Variants in PRKCI observed in about 807,000 individuals in gnomAD.
PRKCI encodes the protein protein kinase C iota type.
PRKCI carries 43 observed loss-of-function variants against 84.0 expected under a neutral mutation model. The observed-to-expected ratio is 0.51, with a 90% confidence interval of 0.40 to 0.66. The LOEUF is 0.66. PRKCI is among the 30% of genes least tolerant of loss of function. The probability of loss-of-function intolerance (pLI) is 0.00; values close to 1 mark genes in which losing one functional copy is unlikely to be tolerated. For missense variants in PRKCI, 459 were observed against 745.6 expected (o/e 0.62, Z 4.48); for synonymous variants, 216 against 234.4 (o/e 0.92, Z 0.72).
Position 170,222,616 on chromosome 3 carries a change from C to G in PRKCI, c.-54C>G, listed in dbSNP as rs1027313557. 15 of 1,467,630 alleles carry G rather than the reference C, an allele frequency of 1.0e-5. No individual in the cohort carries two copies. Among genetic ancestry groups the G allele is most frequent in the Non-Finnish European group, 1.3e-5 (14 of 1,095,148 alleles). 90.9% of individuals were successfully genotyped at this position (1,467,630 alleles called of 1,614,324 possible). On this transcript the variant is annotated 5_prime_UTR_variant, in exon 1 of 18. Coordinates refer to ENST00000295797, the MANE Select transcript of PRKCI (RefSeq NM_002740.6). ...AGGCGGCGGAGTCCCCCACGGCGCC[C>G]GAAGCGCCCCCCCGCACCCCCGGCC...
rs1038333115 is a variant in PRKCI, at chr3:170,265,351, C to T, written c.364+1922C>T. Among the ~76,000 whole-genome samples, 15 of 152,120 alleles carry T rather than the reference C, an allele frequency of 9.9e-5. 1 individual carries two copies. Among genetic ancestry groups the T allele is most frequent in the Non-Finnish European group, 1.6e-4 (11 of 68,028 alleles). ...GCTTCCCCAGGTCAGGAATTGTTAA[C>T]GGAATTTCTTTGGAATATCTAAGCC... On this transcript the variant is annotated intron_variant, in intron 4 of 17. Transcript: ENST00000295797.
intron 1 of PRKCI, among the ~76,000 whole-genome samples, chr3:170,224,112 T>C (rs976976846): frequency 2.4e-5 from 3 of 125,760 alleles, no homozygotes; most frequent in Non-Finnish European, 4.7e-5. Flanking sequence ...TTCCCCTTCC[T>C]GTGTCCATGT....
At chr3:170,227,080 A>G (rs182932781) in intron 1 of PRKCI, among the ~76,000 whole-genome samples, 4 of 152,352 alleles carry the variant, frequency 2.6e-5, no homozygotes, top group African/African-American at 9.6e-5. Flanking sequence ...AGCAAAGGAG[A>G]AAGGAGCAAC....
At chr3:170,245,949 G>GTTTTTTTTGTTTGTTTGTTT (rs769121904) in intron 2 of PRKCI, among the ~76,000 whole-genome samples, 81 of 82,460 alleles carry the variant, frequency 9.8e-4, no homozygotes, top group Admixed American at 1.2e-3. Context: ...TTATGTCTTT[G>GTTTTTTTTGTTTGTTTGTTT]TTTTTTTTTT....
In PRKCI at chr3:170,275,237, T is replaced by C; in HGVS notation, c.655T>C (p.Tyr219His). Residue 219 changes from tyrosine to histidine, a missense_variant, in exon 8 of 18, where the codon TAT (tyrosine) becomes CAT (histidine). Physicochemically the swap from Tyr to His is moderately conservative, Grantham distance 83. Coordinates refer to ENST00000295797, the MANE Select transcript of PRKCI (RefSeq NM_002740.6). ...HSDHAQTVIP[Y>H]NPSSHESLDQ... ...TGGTATTGGGTTTTTAGTAATTCCA[T>C]ATAATCCTTCAAGTCATGAGAGTTT... 1 of 1,579,748 alleles carries C rather than the reference T, an allele frequency of 6.3e-7. No homozygotes were observed. Among genetic ancestry groups the C allele is most frequent in the Non-Finnish European group, 8.6e-7 (1 of 1,166,908 alleles).
chr3:170,234,152 C>T (rs916068957), intron 1 of PRKCI, among the ~76,000 whole-genome samples: 3 of 151,608 alleles, frequency 2.0e-5, no homozygotes, highest in Non-Finnish European at 4.4e-5. Flanking sequence ...CTGCCCCAGC[C>T]TCCTGAGTAG....
intron 13 of PRKCI, among the ~76,000 whole-genome samples, chr3:170,292,768 G>T (rs1439395253): frequency 6.7e-6 from 1 of 149,858 alleles, no homozygotes; most frequent in African/African-American, 2.5e-5. Context: ...ATAGCCGGGC[G>T]CGGTGGCTCA....
intron 16 of PRKCI, 32 bp downstream of exon 16, chr3:170,297,425 T>A (rs1462563502): frequency 6.5e-7 from 1 of 1,542,402 alleles, no homozygotes; most frequent in Admixed American, 1.8e-5. Flanking sequence ...AACTATTAGG[T>A]TTCATTATTA....
Position 170,263,439 on chromosome 3 carries a change from T to G in PRKCI, c.364+10T>G, listed in dbSNP as rs1733783207. The G allele has an allele frequency of 8.9e-6, 14 of 1,571,200 alleles. No individual in the cohort carries two copies. Among genetic ancestry groups the G allele is most frequent in the Non-Finnish European group, 1.1e-5 (12 of 1,141,414 alleles). ...TGTCCAGGAGAAGATAGTGAGTGTT[T>G]ATATACTTCATACCTTTTACAAGAG... On this transcript the variant is annotated intron_variant, in intron 4 of 17. Transcript: ENST00000295797.
chr3:170,269,851 T>C (rs192696856), intron 5 of PRKCI, among the ~76,000 whole-genome samples: 98 of 151,510 alleles, frequency 6.5e-4, no homozygotes, highest in Non-Finnish European at 1.2e-3. Flanking sequence ...CCAGCTACTC[T>C]GGAGGCTGAG....
chr3:170,233,371 T>C (rs148501921), intron 1 of PRKCI, among the ~76,000 whole-genome samples: 49 of 152,178 alleles, frequency 3.2e-4, no homozygotes, highest in Admixed American at 7.2e-4. Context: ...TAAAACCATA[T>C]CTAAATTTGC....
chr3:170,273,373 T>C (rs45498193), intron 7 of PRKCI, 33 bp downstream of exon 7: 51,151 of 1,598,482 alleles, frequency 0.032, 2,707 homozygotes, highest in African/African-American at 0.24. Context: ...CCATTGTTCA[T>C]TCACAGAGTA....
chr3:170,246,218 T>C (rs895906324), intron 2 of PRKCI, among the ~76,000 whole-genome samples: 1 of 152,094 alleles, frequency 6.6e-6, no homozygotes, highest in African/African-American at 2.4e-5. Context: ...AGTGGCATGA[T>C]CTTAGCCCAC....
chr3:170,267,778 T>C (rs2108852357), intron 4 of PRKCI, 137 bp from the exon 5 acceptor site: 1 of 560,564 alleles, frequency 1.8e-6, no homozygotes, highest in South Asian at 2.9e-5. Flanking sequence ...ATCTATTTTA[T>C]TTTTTGACGT....
chr3:170,296,992 G>T (rs981171793), intron 15 of PRKCI, among the ~76,000 whole-genome samples: 5 of 152,140 alleles, frequency 3.3e-5, no homozygotes, highest in Admixed American at 1.3e-4. Flanking sequence ...TCTCACACTA[G>T]GTCATGCAAA....
At chr3:170,246,454 A>G (rs917329982) in intron 2 of PRKCI, among the ~76,000 whole-genome samples, 1 of 151,646 alleles carries the variant, frequency 6.6e-6, no homozygotes, top group African/African-American at 2.4e-5. Flanking sequence ...GGCCCAGCCT[A>G]AATTTTTTAT....
chr3:170,275,934 C>CT (rs746440889), intron 8 of PRKCI, among the ~76,000 whole-genome samples: 3,507 of 132,224 alleles, frequency 0.027, 51 homozygotes, highest in Middle Eastern at 0.045. Context: ...CCGTATCATT[C>CT]TTTTTTTTTT....
chr3:170,273,483 C>A (rs1734044907), intron 7 of PRKCI, 143 bp downstream of exon 7: 2 of 790,264 alleles, frequency 2.5e-6, no homozygotes, highest in Non-Finnish European at 4.0e-6. Flanking sequence ...GTGGTGAAAT[C>A]AGTCACACTA....
At chr3:170,300,629 T>G (rs1181758616) in intron 17 of PRKCI, among the ~76,000 whole-genome samples, 1 of 150,732 alleles carries the variant, frequency 6.6e-6, no homozygotes, top group African/African-American at 2.4e-5. Flanking sequence ...GAAAAATAAA[T>G]ACACAGCACC....
Sources: allele counts gnomAD v4.1 joint callset (sites outside exome capture counted in the v4.1 genomes callset), GRCh38; gene constraint gnomAD v4.1.1; transcripts MANE v1.5; gene names NCBI Gene and HGNC (gene_info 2026-07-23, HGNC 2026-07-21).